The following MED31 variants were observed in gnomAD, a reference collection of about 807,000 sequenced individuals.
MED31 encodes the protein mediator of RNA polymerase II transcription subunit 31.
In MED31, 11 loss-of-function variants were observed where a neutral mutation model predicts 22.0. The observed-to-expected ratio is 0.50, with a 90% CI of 0.31 to 0.83. The LOEUF (loss-of-function observed/expected upper bound fraction) is 0.83, where lower values mean the gene tolerates loss of function less well. Among genes scored for constraint, MED31 ranks in the 40% least tolerant of loss-of-function variants. The pLI is 0.04. For synonymous variants in MED31, 60 were observed against 55.1 expected (o/e 1.09, Z -0.40); for missense variants, 122 against 155.3 (o/e 0.79, Z 1.14).
rs960707447 is a variant in MED31, at chr17:6,644,104, G to A, written c.*363C>T. ...CAGTAAGGTTCCAGGAGATGGTCTT[G>A]CCCTACTATATGTCAGGAACAGCTA... On this transcript the variant is annotated 3_prime_UTR_variant, in exon 4 of 4. Transcript: ENST00000225728. 2.4e-6 allele frequency: 1 copy of A among 413,494 alleles called. No individual in the cohort carries two copies. The highest frequency in any genetic ancestry group is 4.3e-6 in the Non-Finnish European group (1 of 234,336). The allele number at this position is 413,494 out of a possible 1,614,324, so 25.6% of individuals were successfully genotyped here.
intron 1 of MED31, among the ~76,000 whole-genome samples, chr17:6,650,642 A>G (rs1213348076): frequency 6.6e-6 from 1 of 152,250 alleles, no homozygotes; most frequent in South Asian, 2.1e-4. Flanking sequence ...CTAAAGTTAA[A>G]GAGAAATCAT....
At chr17:6,645,011 ATAGT>A (rs1268638283) in intron 3 of MED31, among the ~76,000 whole-genome samples, 1 of 152,236 alleles carries the variant, frequency 6.6e-6, no homozygotes, top group Non-Finnish European at 1.5e-5. Flanking sequence ...TGTTTAATTG[ATAGT>A]TACTCATTTT....
chr17:6,650,502 G>T, intron 1 of MED31, 69 bp from the exon 2 acceptor site: 1 of 1,439,186 alleles, frequency 6.9e-7, no homozygotes, highest in Non-Finnish European at 9.7e-7. Context: ...TTGTAGTAAG[G>T]AAAGAGCAAT....
intron 1 of MED31, among the ~76,000 whole-genome samples, chr17:6,651,148 T>G (rs917913493): frequency 2.4e-5 from 2 of 83,820 alleles, no homozygotes; most frequent in African/African-American, 6.1e-5. Flanking sequence ...GAAGCACCAG[T>G]AGCAGAATGA....
chr17:6,651,374 G>A, intron 1 of MED31, 127 bp downstream of exon 1: 2 of 1,268,590 alleles, frequency 1.6e-6, no homozygotes, highest in Non-Finnish European at 1.1e-6. Context: ...CGCTACAAGA[G>A]CCTTCTCTCC....
intron 3 of MED31, among the ~76,000 whole-genome samples, chr17:6,649,306 G>A (rs72835785): frequency 0.17 from 25,838 of 151,442 alleles, 2,746 homozygotes; most frequent in African/African-American, 0.29. Context: ...TAACATGAAA[G>A]TGTCTGCTGA....
rs755545671 is a variant in MED31 at position 6,651,556 on chromosome 17, A to G, written c.-28T>C. The G allele has an allele frequency of 6.2e-7, 1 of 1,613,958 alleles. No individual in the cohort carries two copies. Among genetic ancestry groups the G allele is most frequent in the Non-Finnish European group, 8.5e-7 (1 of 1,179,922 alleles). ...CAAACGAAGACACCAAAACGCCACC[A>G]GCCTGACAGAGCAAAAGCCCAGAGA... On this transcript the variant is annotated 5_prime_UTR_variant, in exon 1 of 4. Transcript: ENST00000225728.
At chr17:6,645,524 G>A (rs893134784) in intron 3 of MED31, among the ~76,000 whole-genome samples, 5 of 152,160 alleles carry the variant, frequency 3.3e-5, no homozygotes, top group Non-Finnish European at 5.9e-5. Flanking sequence ...GGAACATTAC[G>A]TAGTGCCAGA....
At chr17:6,651,097 G>A (rs1323493933) in intron 1 of MED31, among the ~76,000 whole-genome samples, 4 of 93,474 alleles carry the variant, frequency 4.3e-5, no homozygotes, top group Admixed American at 2.4e-4. Context: ...CCCCAGCCTG[G>A]GCGACAGAGC....
intron 3 of MED31, among the ~76,000 whole-genome samples, chr17:6,646,898 C>G (rs1240210212): frequency 1.3e-5 from 2 of 152,226 alleles, no homozygotes; most frequent in African/African-American, 4.8e-5. Context: ...AATGGAATGT[C>G]TTAGTGTAAA....
Position 6,644,527 on chromosome 17 carries a change from C to T in MED31, c.336G>A (p.Arg112=). Residue 112 remains arginine (R), a synonymous_variant, in exon 4 of 4, where the codon CGG becomes CGA. Coordinates refer to ENST00000225728, the MANE Select transcript of MED31 (RefSeq NM_016060.3). The stretch of plus-strand genomic sequence containing the variant: ...CTGCCAAGGCTTGCTGAAGGCGCAT[C>T]CGCTTCCGGGAATAGTGCTGCCAAT... ...ILHWQHYSRK[R]MRLQQALAEQ... 6.2e-7 allele frequency: 1 copy of T among 1,611,836 alleles called. No individual in the cohort carries two copies. The highest frequency in any genetic ancestry group is 8.5e-7 in the Non-Finnish European group (1 of 1,179,450).
At chr17:6,651,337 T>C in intron 1 of MED31, 164 bp downstream of exon 1, 1 of 970,798 alleles carries the variant, frequency 1.0e-6, no homozygotes, top group Non-Finnish European at 1.5e-6. Context: ...TCAGGAAAAC[T>C]GCAAAGAGTA....
chr17:6,647,550 C>T (rs754589342), intron 3 of MED31, among the ~76,000 whole-genome samples: 9 of 152,168 alleles, frequency 5.9e-5, no homozygotes, highest in Admixed American at 2.6e-4. Flanking sequence ...CAAATGAAAC[C>T]AATGCTACTG....
rs901064562 is a variant in MED31 at position 6,651,589 on chromosome 17, G to T, written c.-61C>A. On this transcript the variant is annotated 5_prime_UTR_variant, in exon 1 of 4. Coordinates refer to ENST00000225728, the MANE Select transcript of MED31 (RefSeq NM_016060.3). The stretch of plus-strand genomic sequence containing the variant: ...AGAGCAAAAGCCCAGAGACGCGGGC[G>T]AAGTTCCGGAAACCACGGCTCCCTC... The T allele has an allele frequency of 4.4e-6, 7 of 1,609,022 alleles. No individual in the cohort carries two copies. Among genetic ancestry groups the T allele is most frequent in the Non-Finnish European group, 5.9e-6 (7 of 1,177,642 alleles).
At chr17:6,648,998 A>G (rs533233996) in intron 3 of MED31, among the ~76,000 whole-genome samples, 1 of 152,214 alleles carries the variant, frequency 6.6e-6, no homozygotes, top group African/African-American at 2.4e-5. Flanking sequence ...GGATTATTAA[A>G]TGGATAAAAA....
At chr17:6,645,055 C>A (rs1972749713) in intron 3 of MED31, among the ~76,000 whole-genome samples, 1 of 152,142 alleles carries the variant, frequency 6.6e-6, no homozygotes, top group Admixed American at 6.5e-5. Context: ...AGACAACTTT[C>A]ATTTAAAAGT....
intron 1 of MED31, 121 bp from the exon 2 acceptor site, chr17:6,650,554 G>A (rs766985027): frequency 6.3e-6 from 5 of 797,724 alleles, no homozygotes; most frequent in Non-Finnish European, 1.0e-5. Flanking sequence ...CCTAAACTAG[G>A]AGTGGGAGGA....
intron 2 of MED31, 117 bp downstream of exon 2, chr17:6,650,239 A>G (rs558161184): frequency 1.2e-4 from 147 of 1,259,398 alleles, no homozygotes; most frequent in Non-Finnish European, 1.5e-4. Flanking sequence ...ATATACCAGC[A>G]TAAGTGTAAT....
intron 3 of MED31, among the ~76,000 whole-genome samples, chr17:6,644,876 A>C (rs1169339483): frequency 6.6e-6 from 1 of 152,236 alleles, no homozygotes; most frequent in Admixed American, 6.5e-5. Context: ...GAAAGATTAA[A>C]TTAACTTGCT....
Sources: gnomAD v4.1 joint callset for allele counts (sites outside exome capture counted in the v4.1 genomes callset) on GRCh38, gnomAD v4.1.1 for gene constraint, MANE v1.5 for transcripts, NCBI Gene and HGNC (gene_info 2026-07-23, HGNC 2026-07-21) for gene names.